Variants in KDM4C observed in about 807,000 individuals in gnomAD.
The protein encoded by KDM4C is lysine demethylase 4C.
KDM4C carries 81 observed loss-of-function variants against 129.3 expected under a neutral mutation model. The ratio of observed to expected loss-of-function variants is 0.63; its 90% CI spans 0.52 to 0.75. The LOEUF is 0.75. Ranked by LOEUF, KDM4C falls within the 30% of genes least tolerant of loss-of-function variation. The pLI is 0.00. For missense variants in KDM4C, 1,457 were observed against 1,304.0 expected (o/e 1.12, Z -1.81); for synonymous variants, 573 against 456.1 (o/e 1.26, Z -3.26).
At chr9:7,074,558 C>A (rs191742264) in intron 17 of KDM4C, among the ~76,000 whole-genome samples, 1 of 152,028 alleles carries the variant, frequency 6.6e-6, no homozygotes, top group South Asian at 2.1e-4. Context: ...TGTTTGACCA[C>A]GTTATTTTTC....
At chr9:6,961,422 G>T (rs1196751781) in intron 8 of KDM4C, among the ~76,000 whole-genome samples, 1 of 152,072 alleles carries the variant, frequency 6.6e-6, no homozygotes, top group Non-Finnish European at 1.5e-5. Context: ...GGTACTGAAA[G>T]GTATCCACCT....
chr9:7,037,052 T>G (rs775848748), intron 15 of KDM4C, among the ~76,000 whole-genome samples: 1 of 152,184 alleles, frequency 6.6e-6, no homozygotes, highest in Admixed American at 6.6e-5. Flanking sequence ...GATCCTGTCT[T>G]CTCTCCAGCC....
At chr9:7,030,599 T>C (rs570042532) in intron 15 of KDM4C, among the ~76,000 whole-genome samples, 59 of 152,342 alleles carry the variant, frequency 3.9e-4, no homozygotes, top group African/African-American at 1.4e-3. Context: ...CCTTCAATTA[T>C]GCTATGAACT....
chr9:6,840,876 T>G (rs927031987), intron 4 of KDM4C, among the ~76,000 whole-genome samples: 3 of 152,226 alleles, frequency 2.0e-5, no homozygotes, highest in Non-Finnish European at 4.4e-5. Context: ...GTAGAAGACA[T>G]GTCCCCAGCT....
intron 17 of KDM4C, among the ~76,000 whole-genome samples, chr9:7,072,995 A>T (rs1487406787): frequency 6.6e-6 from 1 of 152,146 alleles, no homozygotes; most frequent in Non-Finnish European, 1.5e-5. Flanking sequence ...TGGTGAAGAA[A>T]AGTAGTAGGA....
chr9:7,021,405 A>G (rs1049346372), intron 15 of KDM4C, among the ~76,000 whole-genome samples: 97 of 152,216 alleles, frequency 6.4e-4, no homozygotes, highest in African/African-American at 2.2e-3. Context: ...TCGGCCTCCC[A>G]AAGTGCTGGG....
At position 7,028,605 on chromosome 9, in the gene KDM4C, T is replaced by C. The variant is rs980065401; in HGVS notation, c.2259+12676T>C. The stretch of plus-strand genomic sequence containing the variant: ...CTGCCTCGACTGGTGTCTCAGTAAG[T>C]TGAATGTCCAGTGGCTCTGAGCCCA... On this transcript the variant is annotated intron_variant, in intron 15 of 21. Coordinates refer to ENST00000381309, the MANE Select transcript of KDM4C (RefSeq NM_015061.6). Among the ~76,000 whole-genome samples, 6 of 152,072 alleles carry C rather than the reference T, an allele frequency of 3.9e-5. No homozygotes were observed. The South Asian group carries it at 1.2e-3, about 32-fold the overall frequency.
intron 19 of KDM4C, among the ~76,000 whole-genome samples, 178 bp downstream of exon 19, chr9:7,128,414 T>TAA (rs202019112): frequency 0.023 from 3,454 of 152,282 alleles, 111 homozygotes; most frequent in African/African-American, 0.078. Flanking sequence ...CACATTCTTT[T>TAA]TTTGGCCAAA....
chr9:6,977,222 A>G (rs1314641082), intron 8 of KDM4C, among the ~76,000 whole-genome samples: 1 of 152,214 alleles, frequency 6.6e-6, no homozygotes, highest in Non-Finnish European at 1.5e-5. Context: ...GTCCTGTTCA[A>G]AAATCTAATT....
intron 1 of KDM4C, among the ~76,000 whole-genome samples, chr9:6,762,672 T>C (rs1819790013): frequency 6.7e-6 from 1 of 149,512 alleles, no homozygotes; most frequent in Non-Finnish European, 1.5e-5. Context: ...CTTTTTTTTT[T>C]TTTAAGATGG....
Position 7,021,397 on chromosome 9 carries a change from G to A in KDM4C, c.2259+5468G>A, listed in dbSNP as rs145191914. Reference sequence around the variant, plus strand: ...TGACCTCAGGTGATCTGCCTTCGTCGGCCTCCCAAAGTGCTGGGATTACAG... The same window carrying A: ...TGACCTCAGGTGATCTGCCTTCGTCAGCCTCCCAAAGTGCTGGGATTACAG... On this transcript the variant is annotated intron_variant, in intron 15 of 21. Coordinates refer to ENST00000381309, the MANE Select transcript of KDM4C (RefSeq NM_015061.6). Among the ~76,000 whole-genome samples the A allele has an allele frequency of 6.0e-3, 915 of 152,022 alleles. 14 individuals are homozygous for A. The highest frequency in any genetic ancestry group is 0.02 in the African/African-American group (823 of 41,466).
intron 8 of KDM4C, among the ~76,000 whole-genome samples, chr9:6,964,849 G>C (rs1830661928): frequency 6.6e-6 from 1 of 150,836 alleles, no homozygotes; most frequent in South Asian, 2.1e-4. Flanking sequence ...AGCTACTCGG[G>C]AGGCTGAGGC....
intron 2 of KDM4C, among the ~76,000 whole-genome samples, chr9:6,804,254 C>T (rs528738606): frequency 6.6e-6 from 1 of 152,284 alleles, no homozygotes; most frequent in South Asian, 2.1e-4. Context: ...CTTATACTGG[C>T]ATTTGAGAGT....
chr9:6,738,169 CT>C (rs1817586761), intron 1 of KDM4C, among the ~76,000 whole-genome samples: 1 of 146,304 alleles, frequency 6.8e-6, no homozygotes, highest in African/African-American at 2.6e-5. Context: ...CTAAACTAAA[CT>C]AAACTAAACT....
At chr9:6,987,179 A>G (rs2146793) in intron 11 of KDM4C, among the ~76,000 whole-genome samples, 37,041 of 152,044 alleles carry the variant, frequency 0.24, 4,920 homozygotes, top group South Asian at 0.46. Flanking sequence ...CACAGCTTCT[A>G]TTTCAGTGTC....
chr9:7,096,315 G>A (rs1836428082), intron 17 of KDM4C, among the ~76,000 whole-genome samples: 1 of 152,152 alleles, frequency 6.6e-6, no homozygotes, highest in African/African-American at 2.4e-5. Context: ...TGTAAATGCT[G>A]CTTTTATGTG....
chr9:6,988,242 T>G (rs1267269827), intron 11 of KDM4C, among the ~76,000 whole-genome samples: 1 of 151,936 alleles, frequency 6.6e-6, no homozygotes, highest in Non-Finnish European at 1.5e-5. Context: ...AAGCAGATAT[T>G]CATTCTTTGG....
chr9:6,738,553 G>T (rs1817597551), intron 1 of KDM4C, among the ~76,000 whole-genome samples: 1 of 152,082 alleles, frequency 6.6e-6, no homozygotes, highest in Non-Finnish European at 1.5e-5. Flanking sequence ...TCCTGCCTCA[G>T]CACCCTGGAG....
Position 6,889,031 on chromosome 9 carries a change from G to A in KDM4C, c.783+968G>A, listed in dbSNP as rs933010809. Among the ~76,000 whole-genome samples the A allele has an allele frequency of 1.7e-3, 53 of 31,536 alleles. 17 individuals carry two copies. Among genetic ancestry groups the A allele is most frequent in the Admixed American group, 0.012 (52 of 4,388 alleles). The allele number at this position is 31,536 out of a possible 152,430, so 20.7% of individuals were successfully genotyped here. A position where few individuals can be genotyped will look rare whatever the true frequency, so the allele number is the denominator to read the frequency against. ...CCTCGATCTCCCGACCTCGTGATCCGCCCGCCTCGGCCTCCCAAAGTGCTG... is the reference window on the plus strand; with the variant it reads ...CCTCGATCTCCCGACCTCGTGATCCACCCGCCTCGGCCTCCCAAAGTGCTG... On this transcript the variant is annotated intron_variant, in intron 7 of 21. Coordinates refer to ENST00000381309, the MANE Select transcript of KDM4C (RefSeq NM_015061.6).
Sources: allele counts gnomAD v4.1 joint callset (sites outside exome capture counted in the v4.1 genomes callset), GRCh38; gene constraint gnomAD v4.1.1; transcripts MANE v1.5; gene names NCBI Gene and HGNC (gene_info 2026-07-23, HGNC 2026-07-21).